The following BCAS3 variants were observed in gnomAD, a reference collection of about 807,000 sequenced individuals.
The protein encoded by BCAS3 is BCAS3 microtubule associated cell migration factor, also known as BCAS4/BCAS3 fusion.
A neutral mutation model predicts 116.1 loss-of-function variants in BCAS3; 53 were observed. That is an observed-to-expected ratio of 0.46 (90% CI 0.37 to 0.57). BCAS3 has a LOEUF of 0.57. Ranked by LOEUF, BCAS3 falls within the 20% of genes least tolerant of loss-of-function variation. BCAS3 has a pLI of 0.00. For missense variants in BCAS3, 917 were observed against 1,165.4 expected, an observed-to-expected ratio of 0.79 and a Z score of 3.10; for synonymous variants, 391 against 408.2, an observed-to-expected ratio of 0.96 and a Z score of 0.51.
rs77215675 is a variant in BCAS3, at chr17:61,381,606, G to A, written c.2594-10371G>A. Among the ~76,000 whole-genome samples the A allele has an allele frequency of 0.011, 1,727 of 152,230 alleles. 30 individuals carry two copies. Among genetic ancestry groups the A allele is most frequent in the African/African-American group, 0.039 (1,639 of 41,530 alleles). ...AGGCTACCAGACGCTAAATGCCACC[G>A]AGAAGTTAAATCTATTACTAAACTC... On this transcript the variant is annotated intron_variant, in intron 23 of 23. Coordinates refer to ENST00000407086, the MANE Select transcript of BCAS3 (RefSeq NM_017679.5). This position sits in a 1 kb window ranked among gnomAD's most constrained non-coding sequence, Gnocchi z 6.0.
chr17:60,854,671 C>A lies in BCAS3; in HGVS notation c.477-13905C>A, dbSNP rs572585960. Among the ~76,000 whole-genome samples, 3 of 152,188 alleles carry A rather than the reference C, an allele frequency of 2.0e-5. No individual in the cohort carries two copies. The South Asian group carries it at 6.2e-4, about 32-fold the overall frequency. On this transcript the variant is annotated intron_variant, in intron 7 of 23. Coordinates refer to ENST00000407086, the MANE Select transcript of BCAS3 (RefSeq NM_017679.5). ...TACTATCTCACACCAGTTAGAATGGCGATCATTAAAAAGTCAGGAAACAAC... is the reference window on the plus strand; with the variant it reads ...TACTATCTCACACCAGTTAGAATGGAGATCATTAAAAAGTCAGGAAACAAC...
chr17:60,859,997 A>T (rs1355492622), intron 7 of BCAS3, among the ~76,000 whole-genome samples: 1 of 152,230 alleles, frequency 6.6e-6, no homozygotes, highest in Non-Finnish European at 1.5e-5. Context: ...AATGATTGAT[A>T]TTCCTTTGGA....
intron 22 of BCAS3, among the ~76,000 whole-genome samples, chr17:61,322,238 T>C (rs2144821777): frequency 6.6e-6 from 1 of 152,280 alleles, no homozygotes; most frequent in East Asian, 1.9e-4. Context: ...CCGGCCCCAC[T>C]TATTTCCTCA....
In BCAS3 at chr17:60,902,607, CTCTT is replaced by C. The variant is rs2057969243; in HGVS notation, c.739-11_739-8del. ...GAAATGACGTTCTGCTTCTCTCTCTCTCTTTTTCTCAGTTGATTCGATGTCATCA... is the reference window on the plus strand; with the variant it reads ...GAAATGACGTTCTGCTTCTCTCTCTCTTTCTCAGTTGATTCGATGTCATCA... On this transcript the variant is annotated splice_polypyrimidine_tract_variant and intron_variant, in intron 10 of 23. Coordinates refer to ENST00000407086, the MANE Select transcript of BCAS3 (RefSeq NM_017679.5). The C allele has an allele frequency of 1.3e-6, 2 of 1,593,592 alleles. No homozygotes were observed. The highest frequency in any genetic ancestry group is 2.2e-5 in the South Asian group (2 of 90,574).
chr17:60,871,366 C>T (rs1166733232), intron 8 of BCAS3, among the ~76,000 whole-genome samples: 3 of 152,050 alleles, frequency 2.0e-5, no homozygotes, highest in Non-Finnish European at 2.9e-5. Context: ...GACAAGGTCC[C>T]ACTGTGTTGT....
intron 22 of BCAS3, among the ~76,000 whole-genome samples, chr17:61,116,706 G>GTGAAAA (rs2075482190): frequency 6.6e-6 from 1 of 152,096 alleles, no homozygotes; most frequent in Admixed American, 6.6e-5. Flanking sequence ...CTTCCTTCAT[G>GTGAAAA]TGAAAATGGT....
intron 6 of BCAS3, among the ~76,000 whole-genome samples, chr17:60,762,093 G>A (rs1376087288): frequency 2.0e-5 from 3 of 152,050 alleles, no homozygotes; most frequent in Non-Finnish European, 4.4e-5. Flanking sequence ...GTTCTTTGTA[G>A]GTTCTAGATA....
In BCAS3 at chr17:61,118,485, C is replaced by T. The variant is rs1336253183; in HGVS notation, c.2425+33921C>T. ...TGCACGTGTGTGTTAGGAGGTGGTT[C>T]TTGTTAACAGCAGATAGGGATGAAA... On this transcript the variant is annotated intron_variant, in intron 22 of 23. Transcript: ENST00000407086. The surrounding 1 kb of genome is among the most constrained non-coding windows in gnomAD (Gnocchi z 5.0). Among the ~76,000 whole-genome samples the T allele has an allele frequency of 6.6e-6, 1 of 152,152 alleles. No homozygotes were observed. Among genetic ancestry groups the T allele is most frequent in the Non-Finnish European group, 1.5e-5 (1 of 68,032 alleles).
At chr17:60,870,136 T>C (rs1836586176) in intron 8 of BCAS3, among the ~76,000 whole-genome samples, 1 of 152,218 alleles carries the variant, frequency 6.6e-6, no homozygotes, top group South Asian at 2.1e-4. Context: ...TTGCTCCTCA[T>C]TCTCCAGAAA....
At position 61,038,069 on chromosome 17, in the gene BCAS3, C is replaced by T; in HGVS notation, c.1928+15C>T. 2 of 1,601,620 alleles carry T rather than the reference C, an allele frequency of 1.2e-6. No homozygotes were observed. Among genetic ancestry groups the T allele is most frequent in the South Asian group, 1.1e-5 (1 of 89,236 alleles). ...ACTCTGGTTAGGTAGTACCTCTTTTCTTTTTTTCTTTTTAACAGCTTCATT... is the reference window on the plus strand; with the variant it reads ...ACTCTGGTTAGGTAGTACCTCTTTTTTTTTTTTCTTTTTAACAGCTTCATT... On this transcript the variant is annotated intron_variant, in intron 18 of 23. Transcript: ENST00000407086.
intron 7 of BCAS3, among the ~76,000 whole-genome samples, chr17:60,856,070 C>G (rs2053646902): frequency 6.6e-6 from 1 of 152,130 alleles, no homozygotes; most frequent in African/African-American, 2.4e-5. Context: ...TAAAAGAAGG[C>G]CATCAAGAAG....
rs1362440235 is a variant in BCAS3, at chr17:61,114,144, C to CA, written c.2425+29585dup. Among the ~76,000 whole-genome samples the CA allele has an allele frequency of 3.8e-3, 515 of 136,138 alleles. 3 individuals are homozygous for CA. The highest frequency in any genetic ancestry group is 6.2e-3 in the Non-Finnish European group (395 of 63,252). 89.3% of individuals were successfully genotyped at this position (136,138 alleles called of 152,430 possible). A position where few individuals can be genotyped will look rare whatever the true frequency, so the allele number is the denominator to read the frequency against. ...CACAGCCAATATCATACTGAATGGG[C>CA]AAAAACTGGAAGCATTCCCTTTGAA... On this transcript the variant is annotated intron_variant, in intron 22 of 23. Transcript: ENST00000407086.
In BCAS3 at chr17:61,214,368, A is replaced by AAAATAAATAAATAAATAAAT. The variant is rs35597487; in HGVS notation, c.2425+129814_2425+129833dup. Among the ~76,000 whole-genome samples, 150 of 150,176 alleles carry AAAATAAATAAATAAATAAAT rather than the reference A, an allele frequency of 1.0e-3. 2 individuals carry two copies. Among genetic ancestry groups the AAAATAAATAAATAAATAAAT allele is most frequent in the African/African-American group, 3.5e-3 (140 of 40,088 alleles). On this transcript the variant is annotated intron_variant, in intron 22 of 23. Transcript: ENST00000407086. The surrounding 1 kb of genome is among the most constrained non-coding windows in gnomAD (Gnocchi z 4.4). Reference sequence around the variant, plus strand: ...GGCCACAGAGCAAGACCCTATCTCAAAAATAAATAAATAAATAAATAAATA... The same window carrying AAAATAAATAAATAAATAAAT: ...GGCCACAGAGCAAGACCCTATCTCAAAAATAAATAAATAAATAAATAAATAAATAAATAAATAAATAAATA...
intron 5 of BCAS3, among the ~76,000 whole-genome samples, chr17:60,723,335 C>G (rs935885910): frequency 6.6e-6 from 1 of 152,116 alleles, no homozygotes; most frequent in East Asian, 1.9e-4. Context: ...AGCAATTCTT[C>G]TGCCTCAGCC....
intron 7 of BCAS3, among the ~76,000 whole-genome samples, chr17:60,867,018 T>G (rs539053858): frequency 3.0e-4 from 45 of 152,226 alleles, no homozygotes; most frequent in African/African-American, 1.1e-3. Context: ...TAGAATGAGA[T>G]CTCATGTCTG....
At position 61,131,435 on chromosome 17, in the gene BCAS3, A is replaced by G. The variant is rs774232436; in HGVS notation, c.2425+46871A>G. ...AATTAGGTATGAAAATTATTAAGCC[A>G]GGGGTATAAATTACAATTCGTTAAA... On this transcript the variant is annotated intron_variant, in intron 22 of 23. Coordinates refer to ENST00000407086, the MANE Select transcript of BCAS3 (RefSeq NM_017679.5). The surrounding 1 kb of genome is among the most constrained non-coding windows in gnomAD (Gnocchi z 4.4). 1.2e-4 allele frequency among the ~76,000 whole-genome samples: 19 copies of G among 152,228 alleles called. No individual in the cohort carries two copies. Among genetic ancestry groups the G allele is most frequent in the Non-Finnish European group, 2.4e-4 (16 of 68,036 alleles).
chr17:61,317,561 C>T (rs1382798276), intron 22 of BCAS3, among the ~76,000 whole-genome samples: 1 of 152,180 alleles, frequency 6.6e-6, no homozygotes, highest in African/African-American at 2.4e-5. Context: ...GGTGAGGTCA[C>T]TCTAGGAGAG....
chr17:61,385,411 C>T (rs369967280), intron 23 of BCAS3, among the ~76,000 whole-genome samples: 14 of 152,348 alleles, frequency 9.2e-5, no homozygotes, highest in African/African-American at 3.1e-4. Context: ...CCAAGTTGAT[C>T]GCTTGGGGCA....
intron 14 of BCAS3, among the ~76,000 whole-genome samples, chr17:60,972,442 G>A (rs2062020495): frequency 1.4e-5 from 2 of 141,714 alleles, no homozygotes; most frequent in Non-Finnish European, 3.0e-5. Flanking sequence ...ATCTCACTTG[G>A]CCTTTTTTTT....
Sources: gnomAD v4.1 joint callset for allele counts (sites outside exome capture counted in the v4.1 genomes callset) on GRCh38, gnomAD v4.1.1 for gene constraint, Gnocchi (gnomAD v3.1) non-coding constraint, MANE v1.5 for transcripts, NCBI Gene and HGNC (gene_info 2026-07-23, HGNC 2026-07-21) for gene names.